Variants in MYO5B observed in about 807,000 individuals in gnomAD.
MYO5B encodes myosin VB.
MYO5B carries 143 observed loss-of-function variants against 229.3 expected under a neutral mutation model. The ratio of observed to expected loss-of-function variants is 0.62; its 90% confidence interval spans 0.54 to 0.72. The LOEUF (loss-of-function observed/expected upper bound fraction) is 0.72. MYO5B is among the 30% of genes least tolerant of loss of function. MYO5B has a pLI of 0.00. For missense variants in MYO5B, 2,321 were observed against 2,331.0 expected, an observed-to-expected ratio of 1.00 and a Z score of 0.09; for synonymous variants, 918 against 885.2, an observed-to-expected ratio of 1.04 and a Z score of -0.66.
At chr18:50,133,705 T>C (rs928990549) in intron 1 of MYO5B, among the ~76,000 whole-genome samples, 4 of 152,130 alleles carry the variant, frequency 2.6e-5, no homozygotes, top group Admixed American at 6.5e-5. Flanking sequence ...TGTCAGACTC[T>C]GATCTTTAAC....
In MYO5B at chr18:49,841,426, G is replaced by T. The variant is rs1290326169; in HGVS notation, c.4640C>A (p.Ser1547Ter). ...GCGGCAGGTGTTGGATAACCAGAAT[G>T]ACGTCATCTCAAAGTCATCATTGTG... ...KKHNDDFEMT[S>*]FWLSNTCRLL... The change falls in exon 35 of 40, where the codon TCA (serine) becomes TAA (stop). Residue 1547 changes from serine (S) to a stop codon, truncating the protein, a stop_gained. Coordinates refer to ENST00000285039, the MANE Select transcript of MYO5B (RefSeq NM_001080467.3). LOFTEE classifies it high-confidence loss of function. 1 of 1,614,206 alleles carries T rather than the reference G, an allele frequency of 6.2e-7. No individual in the cohort carries two copies. The highest frequency in any genetic ancestry group is 8.5e-7 in the Non-Finnish European group (1 of 1,180,024).
chr18:50,158,325 G>A (rs559173276), intron 1 of MYO5B, among the ~76,000 whole-genome samples: 1 of 152,190 alleles, frequency 6.6e-6, no homozygotes. Flanking sequence ...TGCTGCCAAG[G>A]ACCTCAGAAC....
At chr18:49,836,038 A>C (rs506696) in intron 38 of MYO5B, among the ~76,000 whole-genome samples, 92,809 of 152,000 alleles carry the variant, frequency 0.61, 28,584 homozygotes, top group Middle Eastern at 0.74. Context: ...TTAAAGAGTT[A>C]GATATTTAAT....
At chr18:50,062,488 G>A (rs1216440350) in intron 1 of MYO5B, among the ~76,000 whole-genome samples, 1 of 152,216 alleles carries the variant, frequency 6.6e-6, no homozygotes, top group Non-Finnish European at 1.5e-5. Context: ...AGTTTCCCAA[G>A]TGGCTTGGTA....
chr18:49,970,961 A>G (rs1358646804), intron 10 of MYO5B: 2 of 152,232 alleles, frequency 1.3e-5, no homozygotes, highest in Non-Finnish European at 2.9e-5. Context: ...CTCTTGCTCA[A>G]AAGAGACAAG....
chr18:49,894,922 C>T lies in MYO5B; in HGVS notation c.3045+19G>A. 6.2e-7 allele frequency: 1 copy of T among 1,606,458 alleles called. No individual in the cohort carries two copies. ...ACCCACTCTGCTTGCCAGCGCCTGC[C>T]CCTCTGGCCTGAGCATACCTTCCTC... On this transcript the variant is annotated intron_variant, in intron 22 of 39. Coordinates refer to ENST00000285039, the MANE Select transcript of MYO5B (RefSeq NM_001080467.3).
chr18:49,853,403 G>T, intron 31 of MYO5B, 46 bp downstream of exon 31: 1 of 1,606,328 alleles, frequency 6.2e-7, no homozygotes, highest in Non-Finnish European at 8.5e-7. Flanking sequence ...TTTGCTTCTA[G>T]AACGTGACTT....
chr18:50,157,611 C>T lies in MYO5B; in HGVS notation c.27+37156G>A, dbSNP rs573982924. Among the ~76,000 whole-genome samples, 4 of 152,314 alleles carry T rather than the reference C, an allele frequency of 2.6e-5. No homozygotes were observed. The South Asian group carries it at 8.3e-4, about 32-fold the overall frequency. On this transcript the variant is annotated intron_variant, in intron 1 of 39. Coordinates refer to ENST00000285039, the MANE Select transcript of MYO5B (RefSeq NM_001080467.3). The stretch of plus-strand genomic sequence containing the variant: ...CCCCAACTCCAGCCAAGCCCTTTTT[C>T]CTCACTAGCTGCTGCTTCTCATCCT...
At chr18:50,042,523 G>A (rs2030050712) in intron 2 of MYO5B, among the ~76,000 whole-genome samples, 1 of 152,140 alleles carries the variant, frequency 6.6e-6, no homozygotes, top group African/African-American at 2.4e-5. Context: ...CAGGAAACCA[G>A]TGAACAATTA....
At chr18:49,977,672 C>T (rs1337221362) in intron 9 of MYO5B, among the ~76,000 whole-genome samples, 1 of 152,184 alleles carries the variant, frequency 6.6e-6, no homozygotes, top group East Asian at 1.9e-4. Context: ...GGGCCCTGTC[C>T]CACCTTTGCC....
At chr18:50,051,537 A>C (rs1365101930) in intron 2 of MYO5B, among the ~76,000 whole-genome samples, 1 of 152,272 alleles carries the variant, frequency 6.6e-6, no homozygotes, top group African/African-American at 2.4e-5. Context: ...TGGCCTGCAC[A>C]GAGGTGCTCC....
intron 1 of MYO5B, among the ~76,000 whole-genome samples, chr18:50,166,787 T>C (rs879653687): frequency 2.0e-5 from 3 of 152,178 alleles, no homozygotes; most frequent in Middle Eastern, 3.4e-3. Flanking sequence ...AGGAACACAA[T>C]GCATGATTGA....
At chr18:50,174,467 G>A (rs2032966328) in intron 1 of MYO5B, among the ~76,000 whole-genome samples, 2 of 152,176 alleles carry the variant, frequency 1.3e-5, no homozygotes, top group Admixed American at 1.3e-4. Context: ...TTTGCATCGT[G>A]AGTTTGAGTA....
intron 1 of MYO5B, among the ~76,000 whole-genome samples, chr18:50,154,281 AT>A (rs971936847): frequency 1.3e-5 from 2 of 152,162 alleles, no homozygotes; most frequent in Admixed American, 6.5e-5. Context: ...ATATTGTGTG[AT>A]TTTTTTAAAG....
intron 1 of MYO5B, among the ~76,000 whole-genome samples, chr18:50,114,169 G>A (rs2031916376): frequency 6.6e-6 from 1 of 152,172 alleles, no homozygotes; most frequent in Non-Finnish European, 1.5e-5. Flanking sequence ...TGAGTAAACT[G>A]AGATGCCAGC....
At chr18:49,964,341 A>G (rs1215317682) in intron 10 of MYO5B, among the ~76,000 whole-genome samples, 1 of 150,608 alleles carries the variant, frequency 6.6e-6, no homozygotes, top group Non-Finnish European at 1.5e-5. Context: ...TTTTAAGTGT[A>G]TATTTTCATG....
At chr18:50,095,170 T>G (rs1315257223) in intron 1 of MYO5B, among the ~76,000 whole-genome samples, 1 of 152,134 alleles carries the variant, frequency 6.6e-6, no homozygotes, top group Non-Finnish European at 1.5e-5. Context: ...TCTCACAGAG[T>G]ATCCCCTCAC....
At chr18:50,026,151 A>G (rs1598962805) in intron 4 of MYO5B, among the ~76,000 whole-genome samples, 1 of 152,194 alleles carries the variant, frequency 6.6e-6, no homozygotes, top group African/African-American at 2.4e-5. Flanking sequence ...AGGGACTATC[A>G]CTTCCAGCCA....
At chr18:50,052,325 A>C (rs1346338012) in intron 2 of MYO5B, among the ~76,000 whole-genome samples, 1 of 150,190 alleles carries the variant, frequency 6.7e-6, no homozygotes, top group African/African-American at 2.5e-5. Context: ...ACAATGATAG[A>C]CTGGATTAAG....
Sources: allele counts gnomAD v4.1 joint callset (sites outside exome capture counted in the v4.1 genomes callset), GRCh38; gene constraint gnomAD v4.1.1; transcripts MANE v1.5; gene names NCBI Gene and HGNC (gene_info 2026-07-23, HGNC 2026-07-21).